MIPOL1: variants seen among roughly 807,000 people sequenced by gnomAD.
MIPOL1 encodes the protein mirror-image polydactyly gene 1 protein.
In MIPOL1, 57 loss-of-function variants were observed where a neutral mutation model predicts 60.9. The observed-to-expected ratio is 0.94, with a 90% CI of 0.76 to 1.17. The LOEUF (loss-of-function observed/expected upper bound fraction) is 1.17. MIPOL1 is among the 50% of genes most tolerant of loss of function. The pLI, the probability that MIPOL1 is intolerant of heterozygous loss-of-function variation, is 0.00. For synonymous variants in MIPOL1, 179 were observed against 168.8 expected (o/e 1.06, Z -0.47); for missense variants, 551 against 511.6 (o/e 1.08, Z -0.74).
intron 11 of MIPOL1, among the ~76,000 whole-genome samples, chr14:37,452,856 G>A (rs889257085): frequency 1.3e-5 from 2 of 152,134 alleles, no homozygotes; most frequent in Non-Finnish European, 2.9e-5. Context: ...TGCCAGAGCC[G>A]TCTGTTAGGT....
chr14:37,232,239 A>G (rs535175046), intron 1 of MIPOL1, among the ~76,000 whole-genome samples: 1 of 152,338 alleles, frequency 6.6e-6, no homozygotes, highest in Admixed American at 6.5e-5. Flanking sequence ...AATAGAAGTT[A>G]TAAAAGAAGT....
At position 37,358,972 on chromosome 14, in the gene MIPOL1, A is replaced by G. The variant is rs2092040026; in HGVS notation, c.829-10545A>G. 2.6e-5 allele frequency among the ~76,000 whole-genome samples: 4 copies of G among 152,264 alleles called. No homozygotes were observed. The South Asian group carries it at 8.3e-4, about 32-fold the overall frequency. Reference sequence around the variant, plus strand: ...TAGGGTTTTTATGGTTTTAGGTCTAATATTTAAGTCTTTAATCCATCTTGA... The same window carrying G: ...TAGGGTTTTTATGGTTTTAGGTCTAGTATTTAAGTCTTTAATCCATCTTGA... On this transcript the variant is annotated intron_variant, in intron 9 of 12. Coordinates refer to ENST00000684589, the MANE Select transcript of MIPOL1 (RefSeq NM_001388067.1).
chr14:37,439,092 A>G (rs2094204311), intron 11 of MIPOL1, among the ~76,000 whole-genome samples: 1 of 152,218 alleles, frequency 6.6e-6, no homozygotes, highest in Non-Finnish European at 1.5e-5. Flanking sequence ...TGCAATTGCT[A>G]CCTTCAAATA....
intron 3 of MIPOL1, among the ~76,000 whole-genome samples, chr14:37,248,348 G>A (rs141789708): frequency 1.3e-5 from 2 of 151,932 alleles, no homozygotes; most frequent in African/African-American, 4.8e-5. Flanking sequence ...ACACATAGAG[G>A]CACTGACACA....
chr14:37,368,356 A>ATGT, intron 9 of MIPOL1, among the ~76,000 whole-genome samples: 1 of 152,126 alleles, frequency 6.6e-6, no homozygotes, highest in Non-Finnish European at 1.5e-5. Context: ...AACATTTTGT[A>ATGT]TACTCAAAGT....
At chr14:37,391,641 G>T (rs932445856) in intron 10 of MIPOL1, among the ~76,000 whole-genome samples, 3 of 152,058 alleles carry the variant, frequency 2.0e-5, no homozygotes, top group African/African-American at 7.2e-5. Context: ...TGATCCACCT[G>T]CCTCAGCCTC....
intron 7 of MIPOL1, among the ~76,000 whole-genome samples, chr14:37,300,307 A>G (rs994443747): frequency 6.9e-6 from 1 of 144,032 alleles, no homozygotes; most frequent in African/African-American, 2.6e-5. Context: ...AATACAGGAG[A>G]TTTGTCTCTT....
chr14:37,238,829 C>T (rs944089238), intron 1 of MIPOL1, among the ~76,000 whole-genome samples: 1 of 151,158 alleles, frequency 6.6e-6, no homozygotes, highest in South Asian at 2.1e-4. Context: ...CGGCTCATAC[C>T]AGTGGTGCAG....
At chr14:37,521,893 A>AAAAAAAT (rs371492296) in intron 12 of MIPOL1, among the ~76,000 whole-genome samples, 4 of 123,576 alleles carry the variant, frequency 3.2e-5, no homozygotes, top group East Asian at 4.6e-4. Flanking sequence ...AAGAAAAAAA[A>AAAAAAAT]ATATATATAT....
At chr14:37,219,982 G>A (rs1968472644) in intron 1 of MIPOL1, among the ~76,000 whole-genome samples, 1 of 150,380 alleles carries the variant, frequency 6.6e-6, no homozygotes, top group South Asian at 2.1e-4. Flanking sequence ...GTATTTGCAT[G>A]CTTTTTTCAT....
At chr14:37,306,503 A>T (rs2086796520) in intron 7 of MIPOL1, among the ~76,000 whole-genome samples, 1 of 151,868 alleles carries the variant, frequency 6.6e-6, no homozygotes, top group Admixed American at 6.6e-5. Context: ...TAAGCATTTT[A>T]ATTGGATTTT....
rs183165937 is a variant in MIPOL1 at position 37,499,894 on chromosome 14, T to A, written c.1032-14T>A. The A allele has an allele frequency of 1.8e-4, 263 of 1,427,552 alleles. No individual in the cohort carries two copies. The African/African-American group carries it at 1.9e-3, about 10-fold the overall frequency. The allele number at this position is 1,427,552 out of a possible 1,614,324, so 88.4% of individuals were successfully genotyped here. ...ACATTACTTATCTTTAAATTTTTTT[T>A]AATATTTTCTCAGTTTACACAAATC... On this transcript the variant is annotated splice_polypyrimidine_tract_variant and intron_variant, in intron 11 of 12. Coordinates refer to ENST00000684589, the MANE Select transcript of MIPOL1 (RefSeq NM_001388067.1).
intron 7 of MIPOL1, among the ~76,000 whole-genome samples, chr14:37,303,973 A>G (rs1014370757): frequency 6.6e-6 from 1 of 151,730 alleles, no homozygotes; most frequent in East Asian, 1.9e-4. Context: ...AAAGAATATT[A>G]TGTCAGCATA....
chr14:37,259,873 C>T (rs1354012563), intron 3 of MIPOL1, among the ~76,000 whole-genome samples: 1 of 152,064 alleles, frequency 6.6e-6, no homozygotes, highest in Non-Finnish European at 1.5e-5. Flanking sequence ...TATGATTAAA[C>T]ATATCACCGG....
intron 11 of MIPOL1, among the ~76,000 whole-genome samples, chr14:37,445,192 A>T (rs1025823995): frequency 2.6e-5 from 4 of 152,068 alleles, no homozygotes; most frequent in African/African-American, 9.7e-5. Flanking sequence ...GTCTCAGCCC[A>T]AAATCTCCTT....
intron 11 of MIPOL1, among the ~76,000 whole-genome samples, chr14:37,462,555 G>A (rs2094551828): frequency 6.6e-6 from 1 of 152,202 alleles, no homozygotes; most frequent in South Asian, 2.1e-4. Context: ...CTGTCAGGCT[G>A]CAAATTTTCT....
chr14:37,443,767 C>G (rs937685462), intron 11 of MIPOL1, among the ~76,000 whole-genome samples: 4 of 134,712 alleles, frequency 3.0e-5, no homozygotes, highest in African/African-American at 1.1e-4. Flanking sequence ...AAAAAAAAAA[C>G]CTCTACAAAA....
chr14:37,394,619 T>G (rs535040674), intron 10 of MIPOL1, among the ~76,000 whole-genome samples: 3 of 152,302 alleles, frequency 2.0e-5, no homozygotes, highest in African/African-American at 7.2e-5. Flanking sequence ...TGTTTGTTTT[T>G]TTTCTTACTG....
At chr14:37,384,417 TCA>T (rs2093010886) in intron 10 of MIPOL1, among the ~76,000 whole-genome samples, 1 of 151,946 alleles carries the variant, frequency 6.6e-6, no homozygotes, top group Admixed American at 6.6e-5. Flanking sequence ...AAATTGTCAT[TCA>T]GTTTTATTTT....
Sources: gnomAD v4.1 joint callset for allele counts (sites outside exome capture counted in the v4.1 genomes callset) on GRCh38, gnomAD v4.1.1 for gene constraint, MANE v1.5 for transcripts, NCBI Gene and HGNC (gene_info 2026-07-23, HGNC 2026-07-21) for gene names.